The following WASHC2C variants were observed in gnomAD, a reference collection of about 807,000 sequenced individuals.
The protein encoded by WASHC2C is WASH complex subunit 2C.
Under a neutral mutation model 142.2 loss-of-function variants are expected in WASHC2C, and 73 were observed. That is an observed-to-expected ratio of 0.51 (90% CI 0.43 to 0.62). The LOEUF is 0.62. Ranked by LOEUF, WASHC2C falls within the 20% of genes least tolerant of loss-of-function variation. WASHC2C has a pLI of 0.00. For missense variants in WASHC2C, 969 were observed against 1,531.7 expected (o/e 0.63, Z 6.13); for synonymous variants, 337 against 565.5 (o/e 0.60, Z 5.73).
chr10:45,754,832 A>G (rs2134764517), intron 14 of WASHC2C, 104 bp from the exon 15 acceptor site: 1 of 1,436,316 alleles, frequency 7.0e-7, no homozygotes, highest in East Asian at 2.5e-5. Flanking sequence ...CATTTTGTGG[A>G]TTAACTGAAA....
At chr10:45,788,266 A>G (rs2058192995) in intron 28 of WASHC2C, among the ~76,000 whole-genome samples, 1 of 152,236 alleles carries the variant, frequency 6.6e-6, no homozygotes, top group African/African-American at 2.4e-5. Context: ...ATTGCTACTA[A>G]GTGATTCATG....
intron 3 of WASHC2C, among the ~76,000 whole-genome samples, chr10:45,730,795 A>G (rs1256493451): frequency 2.6e-5 from 4 of 151,618 alleles, no homozygotes; most frequent in Non-Finnish European, 5.9e-5. Flanking sequence ...AATTTTTTGT[A>G]TTTTTAGAAG....
At chr10:45,749,142 G>A (rs1312439928) in intron 8 of WASHC2C, among the ~76,000 whole-genome samples, 1 of 151,992 alleles carries the variant, frequency 6.6e-6, no homozygotes, top group Non-Finnish European at 1.5e-5. Flanking sequence ...GCTGGGCATG[G>A]TGGCTCACGC....
At chr10:45,765,649 G>A (rs1456321407) in intron 18 of WASHC2C, 30 bp from the exon 19 acceptor site, 2 of 1,610,744 alleles carry the variant, frequency 1.2e-6, no homozygotes, top group Admixed American at 3.3e-5. Flanking sequence ...TTATAAAGTT[G>A]TCTTACCTTT....
intron 23 of WASHC2C, among the ~76,000 whole-genome samples, chr10:45,784,261 T>TATATATAC (rs1330813298): frequency 1.2e-3 from 6 of 5,144 alleles, no homozygotes; most frequent in Non-Finnish European, 3.3e-3. Flanking sequence ...TGTATATATA[T>TATATATAC]ATATATATAT....
At chr10:45,758,606 C>CTTTTTTT (rs60416109) in intron 16 of WASHC2C, among the ~76,000 whole-genome samples, 2 of 128,172 alleles carry the variant, frequency 1.6e-5, no homozygotes, top group African/African-American at 2.8e-5. Context: ...CATTCTTCTT[C>CTTTTTTT]TTTTTTTTTT....
At chr10:45,731,346 A>AT (rs2050556408) in intron 3 of WASHC2C, among the ~76,000 whole-genome samples, 1 of 124,056 alleles carries the variant, frequency 8.1e-6, no homozygotes, top group African/African-American at 3.2e-5. Context: ...CACACCTCCC[A>AT]TGTAGTTGGG....
intron 11 of WASHC2C, among the ~76,000 whole-genome samples, chr10:45,751,845 T>C (rs1217797706): frequency 2.0e-5 from 3 of 151,868 alleles, no homozygotes; most frequent in African/African-American, 4.8e-5. Flanking sequence ...GGCATGGTGG[T>C]GGGTGCCTGT....
chr10:45,744,049 T>TTTTC lies in WASHC2C; in HGVS notation c.622+586_622+589dup, dbSNP rs528434831. ...AGCATGAGCCACCGTGCCCGGCTCT[T>TTTTC]TTTCTTTCTTTCTTTCTTTCTTTTT... On this transcript the variant is annotated intron_variant, in intron 6 of 30. Coordinates refer to ENST00000623400, the MANE Select transcript of WASHC2C (RefSeq NM_001330074.2). Among the ~76,000 whole-genome samples, 669 of 151,524 alleles carry TTTTC rather than the reference T, an allele frequency of 4.4e-3. 7 individuals carry two copies. The highest frequency in any genetic ancestry group is 0.015 in the African/African-American group (634 of 41,314).
At chr10:45,784,952 A>C (rs2057919450) in intron 25 of WASHC2C, 51 bp downstream of exon 25, 1 of 1,610,570 alleles carries the variant, frequency 6.2e-7, no homozygotes, top group Admixed American at 1.7e-5. Flanking sequence ...GATTCTGGGA[A>C]AGGAAACTAA....
chr10:45,737,124 G>A (rs1359436466), intron 3 of WASHC2C, among the ~76,000 whole-genome samples: 2 of 144,096 alleles, frequency 1.4e-5, no homozygotes, highest in South Asian at 4.5e-4. Flanking sequence ...AATTACAGGT[G>A]CACACCACCA....
intron 18 of WASHC2C, among the ~76,000 whole-genome samples, chr10:45,764,533 T>C (rs1486032704): frequency 1.3e-5 from 2 of 149,534 alleles, no homozygotes; most frequent in African/African-American, 2.5e-5. Flanking sequence ...GTCCTGACCA[T>C]TGTCTTTCTT....
At chr10:45,790,613 G>A in intron 30 of WASHC2C, 80 bp downstream of exon 30, 2 of 1,610,406 alleles carry the variant, frequency 1.2e-6, no homozygotes, top group Non-Finnish European at 1.7e-6. Context: ...CCTTTTCTTG[G>A]CCCTTTTCTG....
At chr10:45,731,047 C>T (rs1165123860) in intron 3 of WASHC2C, among the ~76,000 whole-genome samples, 6 of 149,654 alleles carry the variant, frequency 4.0e-5, no homozygotes, top group Non-Finnish European at 8.9e-5. Flanking sequence ...TAGGTCTTAT[C>T]TTTTCTCCAG....
rs571505824 is a variant in WASHC2C, at chr10:45,730,330, A to G, written c.291+1304A>G. Among the ~76,000 whole-genome samples, 27 of 147,590 alleles carry G rather than the reference A, an allele frequency of 1.8e-4. No individual in the cohort carries two copies. The East Asian group carries it at 5.1e-3, about 28-fold the overall frequency. On this transcript the variant is annotated intron_variant, in intron 3 of 30. Transcript: ENST00000623400. ...CCATTGTACTCCAGCCTGGGCAATA[A>G]GAGCGAAACTCCGTCTCAAAAAAAA...
At chr10:45,741,168 G>A (rs1352634799) in intron 5 of WASHC2C, among the ~76,000 whole-genome samples, 3 of 151,966 alleles carry the variant, frequency 2.0e-5, no homozygotes, top group Non-Finnish European at 4.4e-5. Context: ...GGCTGGTCTC[G>A]AACTCCCAAC....
At chr10:45,770,782 CT>C (rs2056504705) in intron 20 of WASHC2C, among the ~76,000 whole-genome samples, 1 of 152,170 alleles carries the variant, frequency 6.6e-6, no homozygotes. Flanking sequence ...CAGTTCCTGT[CT>C]GAATAACCTT....
At chr10:45,784,252 GTATATATATATATATATATATA>G (rs71225139) in intron 23 of WASHC2C, among the ~76,000 whole-genome samples, 1 of 40,736 alleles carries the variant, frequency 2.5e-5, no homozygotes, top group Admixed American at 3.5e-4. Flanking sequence ...GTGTGTGTGT[GTATATATATATATATATATATA>G]TATATATATA....
At chr10:45,766,109 G>T (rs1218830843) in intron 19 of WASHC2C, among the ~76,000 whole-genome samples, 8 of 152,088 alleles carry the variant, frequency 5.3e-5, no homozygotes, top group Non-Finnish European at 1.0e-4. Flanking sequence ...TCATGGTCGA[G>T]TCCCTTAGAA....
Sources: gnomAD v4.1 joint callset for allele counts (sites outside exome capture counted in the v4.1 genomes callset) on GRCh38, gnomAD v4.1.1 for gene constraint, MANE v1.5 for transcripts, NCBI Gene and HGNC (gene_info 2026-07-23, HGNC 2026-07-21) for gene names.